Variants in GRIN2B observed in about 807,000 individuals in gnomAD.
GRIN2B encodes glutamate ionotropic receptor NMDA type subunit 2B, also known as glutamate receptor ionotropic, NMDA 2B.
A neutral mutation model predicts 114.5 loss-of-function variants in GRIN2B; 5 were observed. That is an observed-to-expected ratio of 0.04 (90% confidence interval 0.02 to 0.09). The LOEUF (loss-of-function observed/expected upper bound fraction) is 0.09. Ranked by LOEUF, GRIN2B falls within the 10% of genes least tolerant of loss-of-function variation. GRIN2B has a pLI of 1.00. For synonymous variants in GRIN2B, 787 were observed against 745.1 expected (o/e 1.06, Z -0.92); for missense variants, 1,108 against 1,943.5 (o/e 0.57, Z 8.08).
chr12:13,690,316 CAT>C (rs1491016081), intron 4 of GRIN2B, among the ~76,000 whole-genome samples: 45 of 139,400 alleles, frequency 3.2e-4, no homozygotes, highest in Middle Eastern at 3.6e-3. Flanking sequence ...CACACACACA[CAT>C]GCACACGCAC....
chr12:13,861,473 C>T (rs1865750523), intron 3 of GRIN2B, among the ~76,000 whole-genome samples: 1 of 152,164 alleles, frequency 6.6e-6, no homozygotes, highest in Non-Finnish European at 1.5e-5. Flanking sequence ...AGAATAAAAG[C>T]AATTATAACA....
intron 3 of GRIN2B, among the ~76,000 whole-genome samples, chr12:13,764,217 C>T (rs1323487433): frequency 6.6e-6 from 1 of 150,426 alleles, no homozygotes; most frequent in East Asian, 1.9e-4. Flanking sequence ...TAGTTTAGAA[C>T]GTACAGAATG....
chr12:13,844,392 C>T (rs1018542704), intron 3 of GRIN2B, among the ~76,000 whole-genome samples: 1 of 152,140 alleles, frequency 6.6e-6, no homozygotes, highest in African/African-American at 2.4e-5. Context: ...TGTTAACATA[C>T]CCATAGCTTC....
intron 2 of GRIN2B, among the ~76,000 whole-genome samples, chr12:13,880,438 A>G (rs1866054518): frequency 1.3e-5 from 2 of 152,184 alleles, no homozygotes; most frequent in African/African-American, 4.8e-5. Flanking sequence ...ACCAAAAACA[A>G]TGGAAGATCG....
At chr12:13,781,812 G>A (rs1315955898) in intron 3 of GRIN2B, among the ~76,000 whole-genome samples, 1 of 152,198 alleles carries the variant, frequency 6.6e-6, no homozygotes, top group African/African-American at 2.4e-5. Context: ...CACAAGAAAT[G>A]TTCGAAGAAA....
At chr12:13,653,974 G>A (rs2136519774) in intron 5 of GRIN2B, among the ~76,000 whole-genome samples, 1 of 152,076 alleles carries the variant, frequency 6.6e-6, no homozygotes, top group African/African-American at 2.4e-5. Context: ...TCTGATTTTT[G>A]TCAAAAATCA....
At chr12:13,816,482 A>C (rs1174330847) in intron 3 of GRIN2B, among the ~76,000 whole-genome samples, 1 of 152,196 alleles carries the variant, frequency 6.6e-6, no homozygotes, top group African/African-American at 2.4e-5. Flanking sequence ...TTTCAATGAT[A>C]AAGTCACAGT....
intron 4 of GRIN2B, among the ~76,000 whole-genome samples, chr12:13,676,355 T>C (rs1018444676): frequency 6.6e-6 from 1 of 152,046 alleles, no homozygotes; most frequent in African/African-American, 2.4e-5. Flanking sequence ...AAATTAAAAA[T>C]AAAAATTTTT....
intron 2 of GRIN2B, among the ~76,000 whole-genome samples, chr12:13,968,324 G>T (rs576136737): frequency 6.6e-6 from 1 of 152,292 alleles, no homozygotes; most frequent in African/African-American, 2.4e-5. Flanking sequence ...TGTATATTAC[G>T]CTTATGGTTG....
chr12:13,813,895 T>G (rs1864775589), intron 3 of GRIN2B, among the ~76,000 whole-genome samples: 1 of 152,236 alleles, frequency 6.6e-6, no homozygotes, highest in Admixed American at 6.5e-5. Flanking sequence ...GCCTTACTTT[T>G]GGAGATATTT....
chr12:13,637,140 T>C (rs1455616696), intron 5 of GRIN2B, among the ~76,000 whole-genome samples: 1 of 152,150 alleles, frequency 6.6e-6, no homozygotes, highest in African/African-American at 2.4e-5. Context: ...ATTTAGAATA[T>C]TTTGCAAGTT....
At chr12:13,888,177 G>A (rs576112621) in intron 2 of GRIN2B, among the ~76,000 whole-genome samples, 4 of 152,174 alleles carry the variant, frequency 2.6e-5, no homozygotes, top group Admixed American at 6.5e-5. Flanking sequence ...GCTTAACAAC[G>A]GGGACACGCC....
intron 3 of GRIN2B, among the ~76,000 whole-genome samples, chr12:13,767,133 G>A (rs1176750944): frequency 6.6e-6 from 1 of 151,972 alleles, no homozygotes; most frequent in Non-Finnish European, 1.5e-5. Context: ...GGTGGCGGGC[G>A]CCTGTAGTAC....
chr12:13,626,009 C>T (rs1023023780), intron 5 of GRIN2B, among the ~76,000 whole-genome samples: 2 of 152,160 alleles, frequency 1.3e-5, no homozygotes, highest in African/African-American at 2.4e-5. Flanking sequence ...TGCCTCTTGG[C>T]TCAAGGGCTC....
chr12:13,810,348 G>A (rs771476562), intron 3 of GRIN2B, among the ~76,000 whole-genome samples: 2 of 151,602 alleles, frequency 1.3e-5, no homozygotes, highest in African/African-American at 2.4e-5. Context: ...CCTGAGTAGC[G>A]GGGATATTTG....
At position 13,611,705 on chromosome 12, in the gene GRIN2B, G is replaced by C. The variant is rs1025697302; in HGVS notation, c.1780+20C>G. The C allele has an allele frequency of 6.2e-7, 1 of 1,612,852 alleles. No homozygotes were observed. Among genetic ancestry groups the C allele is most frequent in the African/African-American group, 1.3e-5 (1 of 75,024 alleles). ...AGGAGAAAAAAACTGGGGAAGTGCA[G>C]CGGTTCCAGCCGGCCTTACCTCTGC... is the stretch of plus-strand genomic sequence containing the variant. On this transcript the variant is annotated intron_variant, in intron 9 of 13. Coordinates refer to ENST00000609686, the MANE Select transcript of GRIN2B (RefSeq NM_000834.5).
chr12:13,616,628 C>T lies in GRIN2B; in HGVS notation c.1155G>A (p.Gln385=), dbSNP rs1949445280. ...TTCGGGGCCACACATAGTACTTCAT[C>T]TGCAGGGACTTGTCTTTCCACTTCC... ...RVGKWKDKSL[Q]MKYYVWPRMC... Residue 385 remains glutamine (Q), a synonymous_variant, in exon 6 of 14, where the codon CAG becomes CAA. Transcript: ENST00000609686. The T allele has an allele frequency of 3.1e-6, 5 of 1,614,024 alleles. No homozygotes were observed. The highest frequency in any genetic ancestry group is 3.4e-6 in the Non-Finnish European group (4 of 1,179,878).
rs374362173 is a variant in GRIN2B at position 13,603,645 on chromosome 12, G to T, written c.2010+4958C>A. Among the ~76,000 whole-genome samples the T allele has an allele frequency of 1.6e-3, 239 of 151,730 alleles. 1 individual carries two copies. Among genetic ancestry groups the T allele is most frequent in the African/African-American group, 4.7e-3 (193 of 41,354 alleles). ...ATAATAACAATGATAATCATTATTA[G>T]TAGTAGTAATAGTAGTGGTGGTGTT... On this transcript the variant is annotated intron_variant, in intron 10 of 13. Transcript: ENST00000609686.
intron 3 of GRIN2B, among the ~76,000 whole-genome samples, chr12:13,822,480 G>T (rs1864957773): frequency 6.6e-6 from 1 of 152,130 alleles, no homozygotes; most frequent in Non-Finnish European, 1.5e-5. Flanking sequence ...GTGTGCCAAT[G>T]AAGAAAGGTA....
Sources: gnomAD v4.1 joint callset for allele counts (sites outside exome capture counted in the v4.1 genomes callset) on GRCh38, gnomAD v4.1.1 for gene constraint, MANE v1.5 for transcripts, NCBI Gene and HGNC (gene_info 2026-07-23, HGNC 2026-07-21) for gene names.